Variants in FRMD6 observed in about 807,000 individuals in gnomAD.
FRMD6 encodes FERM domain containing 6, also known as FERM domain-containing protein 6.
In FRMD6, 37 loss-of-function variants were observed where a neutral mutation model predicts 73.2. The ratio of observed to expected loss-of-function variants is 0.51; its 90% CI spans 0.39 to 0.66. The LOEUF (loss-of-function observed/expected upper bound fraction) is 0.66, where lower values mean the gene tolerates loss of function less well. Ranked by LOEUF, FRMD6 falls within the 30% of genes least tolerant of loss-of-function variation. The probability of loss-of-function intolerance (pLI) is 0.00; values close to 1 mark genes in which losing one functional copy is unlikely to be tolerated. For synonymous variants in FRMD6, 273 were observed against 282.2 expected (o/e 0.97, Z 0.33); for missense variants, 714 against 780.5 (o/e 0.91, Z 1.02).
In FRMD6 at chr14:51,728,024, G is replaced by T. The variant is rs767345580; in HGVS notation, c.1864G>T (p.Val622Leu). 1 of 1,605,788 alleles carries T rather than the reference G, an allele frequency of 6.2e-7. No individual in the cohort carries two copies. Among genetic ancestry groups the T allele is most frequent in the Non-Finnish European group, 8.5e-7 (1 of 1,173,512 alleles). The change falls in exon 14 of 14, where the codon GTG (valine) becomes TTG (leucine). Residue 622 changes from valine (V) to leucine (L), a missense_variant. Coordinates refer to ENST00000344768, the MANE Select transcript of FRMD6 (RefSeq NM_001267046.2). ...LTHDEVPEFV[V>L] ...TCATGATGAAGTTCCAGAGTTTGTT[G>T]TGTAAAGTCCGTCTGTGTGCAGCTG...
chr14:51,584,619 C>T (rs890179126), intron 2 of FRMD6, among the ~76,000 whole-genome samples: 5 of 152,140 alleles, frequency 3.3e-5, no homozygotes, highest in African/African-American at 1.2e-4. Flanking sequence ...TGCAATTTTT[C>T]CATTAATCAG....
intron 1 of FRMD6, among the ~76,000 whole-genome samples, chr14:51,676,692 G>A (rs1356955348): frequency 6.6e-6 from 1 of 152,080 alleles, no homozygotes; most frequent in Non-Finnish European, 1.5e-5. Flanking sequence ...TGTTTGTAAT[G>A]TCTGTACATT....
At chr14:51,582,949 T>C (rs1283610067) in intron 2 of FRMD6, among the ~76,000 whole-genome samples, 1 of 152,196 alleles carries the variant, frequency 6.6e-6, no homozygotes, top group Admixed American at 6.5e-5. Context: ...GAAATAAGAA[T>C]ATTTTATCCT....
At chr14:51,720,778 A>G (rs377177262) in intron 11 of FRMD6, among the ~76,000 whole-genome samples, 2 of 152,220 alleles carry the variant, frequency 1.3e-5, no homozygotes, top group East Asian at 3.8e-4. Context: ...CCCTCCCCAC[A>G]AAGTAAAGAT....
At chr14:51,700,234 T>G (rs938268454) in intron 3 of FRMD6, among the ~76,000 whole-genome samples, 1 of 152,012 alleles carries the variant, frequency 6.6e-6, no homozygotes, top group Non-Finnish European at 1.5e-5. Flanking sequence ...TTGTACAGTA[T>G]AGGAATGCCA....
At chr14:51,443,117 A>G in the FRMD6 span, among the ~76,000 whole-genome samples, 2 of 152,196 alleles carry the variant, frequency 1.3e-5, no homozygotes, top group African/African-American at 4.8e-5. Flanking sequence ...TCTTGCCACT[A>G]CTGGCTCAGG....
At chr14:51,627,936 G>A (rs894338909) in intron 2 of FRMD6, among the ~76,000 whole-genome samples, 1 of 152,122 alleles carries the variant, frequency 6.6e-6, no homozygotes, top group Non-Finnish European at 1.5e-5. Flanking sequence ...TAGCATTTAC[G>A]TGTAACCTAC....
chr14:51,727,503 C>T (rs947624750), intron 13 of FRMD6, among the ~76,000 whole-genome samples: 2 of 152,046 alleles, frequency 1.3e-5, no homozygotes, highest in African/African-American at 2.4e-5. Flanking sequence ...TAATGCATGC[C>T]GAGTATTTAG....
chr14:51,616,489 G>C (rs1029880871), intron 2 of FRMD6, among the ~76,000 whole-genome samples: 1 of 152,128 alleles, frequency 6.6e-6, no homozygotes, highest in East Asian at 1.9e-4. Context: ...GCTGTGAGGC[G>C]GTCTTAAAGA....
chr14:51,532,500 T>C (rs183846391), intron 1 of FRMD6, among the ~76,000 whole-genome samples: 28 of 152,236 alleles, frequency 1.8e-4, no homozygotes, highest in African/African-American at 5.8e-4. Context: ...GAATAAAATA[T>C]ATTGTGCCCA....
At chr14:51,597,972 C>G (rs1162412612) in intron 2 of FRMD6, among the ~76,000 whole-genome samples, 1 of 152,152 alleles carries the variant, frequency 6.6e-6, no homozygotes, top group Non-Finnish European at 1.5e-5. Flanking sequence ...GGCTGCCCCC[C>G]AACCATCCAT....
At chr14:51,475,733 A>G in the FRMD6 span, among the ~76,000 whole-genome samples, 1 of 152,368 alleles carries the variant, frequency 6.6e-6, no homozygotes, top group East Asian at 1.9e-4. Context: ...AAAGGATGAA[A>G]CAGGTAATAA....
At chr14:51,582,638 A>T (rs756123658) in intron 2 of FRMD6, among the ~76,000 whole-genome samples, 2 of 152,198 alleles carry the variant, frequency 1.3e-5, no homozygotes, top group African/African-American at 4.8e-5. Flanking sequence ...GCTCTGAGAA[A>T]CATAATGGTC....
chr14:51,414,409 G>T, the FRMD6 span, among the ~76,000 whole-genome samples: 2 of 152,116 alleles, frequency 1.3e-5, no homozygotes, highest in Non-Finnish European at 2.9e-5. Context: ...ATTAAATAGG[G>T]AATCCTTTTC....
chr14:51,602,685 A>G (rs1890086757), intron 2 of FRMD6, among the ~76,000 whole-genome samples: 1 of 152,200 alleles, frequency 6.6e-6, no homozygotes, highest in South Asian at 2.1e-4. Flanking sequence ...GCCCCTTTAC[A>G]AGAAAAGCCT....
At chr14:51,726,443 GCTCT>G (rs1476014087) in intron 13 of FRMD6, among the ~76,000 whole-genome samples, 1 of 151,812 alleles carries the variant, frequency 6.6e-6, no homozygotes, top group African/African-American at 2.4e-5. Context: ...TCTTTCTTGG[GCTCT>G]CTTTGTGTCT....
chr14:51,472,869 G>C, the FRMD6 span, among the ~76,000 whole-genome samples: 3 of 152,198 alleles, frequency 2.0e-5, no homozygotes, highest in Non-Finnish European at 4.4e-5. Context: ...CCAAGGCTGT[G>C]CTTTAAGTCT....
chr14:51,687,231 A>G (rs1240702662), intron 1 of FRMD6, among the ~76,000 whole-genome samples: 3 of 152,188 alleles, frequency 2.0e-5, no homozygotes, highest in South Asian at 2.1e-4. Flanking sequence ...AAAGTAGGTC[A>G]GTAGACATAC....
intron 1 of FRMD6, among the ~76,000 whole-genome samples, chr14:51,495,336 A>G (rs540212463): frequency 2.0e-4 from 30 of 152,356 alleles, no homozygotes; most frequent in Middle Eastern, 6.8e-3. Flanking sequence ...GGCATTCTCT[A>G]CAGCTCTTCT....
Sources: gnomAD v4.1 joint callset for allele counts (sites outside exome capture counted in the v4.1 genomes callset) on GRCh38, gnomAD v4.1.1 for gene constraint, MANE v1.5 for transcripts, NCBI Gene and HGNC (gene_info 2026-07-23, HGNC 2026-07-21) for gene names.